The following LHFPL3 variants were observed in gnomAD, a reference collection of about 807,000 sequenced individuals.
LHFPL3 encodes LHFPL tetraspan subfamily member 3.
Under a neutral mutation model 19.3 loss-of-function variants are expected in LHFPL3, and 5 were observed. That is an observed-to-expected ratio of 0.26 (90% CI 0.14 to 0.54). LHFPL3 has a LOEUF of 0.54. Among genes scored for constraint, LHFPL3 ranks in the 20% least tolerant of loss-of-function variants. The pLI, the probability that LHFPL3 is intolerant of heterozygous loss-of-function variation, is 0.94. For missense variants in LHFPL3, 249 were observed against 307.4 expected, an observed-to-expected ratio of 0.81 and a Z score of 1.42; for synonymous variants, 133 against 126.2, an observed-to-expected ratio of 1.05 and a Z score of -0.36.
At chr7:104,498,982 G>A (rs1160866759) in intron 1 of LHFPL3, among the ~76,000 whole-genome samples, 1 of 151,854 alleles carries the variant, frequency 6.6e-6, no homozygotes, top group Admixed American at 6.6e-5. Context: ...TTTTCCATGA[G>A]GACAGTGGGT....
rs71823474 is a variant in LHFPL3 at position 104,429,301 on chromosome 7, CTTTTTTTTTTT to C, written c.445+100090_445+100100del. Among the ~76,000 whole-genome samples, 5 of 84,534 alleles carry C rather than the reference CTTTTTTTTTTT, an allele frequency of 5.9e-5. No homozygotes were observed. The Admixed American group carries it at 6.5e-4, about 11-fold the overall frequency. The allele number at this position is 84,534 out of a possible 152,430, so 55.5% of individuals were successfully genotyped here. A position where few individuals can be genotyped will look rare whatever the true frequency, so the allele number is the denominator to read the frequency against. On this transcript the variant is annotated intron_variant, in intron 1 of 2. Coordinates refer to ENST00000424859, the MANE Select transcript of LHFPL3 (RefSeq NM_199000.3). The stretch of plus-strand genomic sequence containing the variant: ...ATTTCGGAATCTACCTATGTCATTC[CTTTTTTTTTTT>C]TTTTTTTTTTTTGAGACAGAGTTTC...
chr7:104,396,653 A>AAG, intron 1 of LHFPL3, among the ~76,000 whole-genome samples: 1 of 151,630 alleles, frequency 6.6e-6, no homozygotes, highest in African/African-American at 2.4e-5. Flanking sequence ...AAAAAAAAAA[A>AAG]AAAAGATAAA....
At chr7:104,737,609 G>T (rs1479853705) in intron 2 of LHFPL3, among the ~76,000 whole-genome samples, 1 of 152,210 alleles carries the variant, frequency 6.6e-6, no homozygotes, top group African/African-American at 2.4e-5. Flanking sequence ...GTAGCAAGTT[G>T]TTATTGAAGA....
chr7:104,500,477 C>T (rs1036174977), intron 1 of LHFPL3, among the ~76,000 whole-genome samples: 11 of 152,110 alleles, frequency 7.2e-5, no homozygotes, highest in African/African-American at 2.7e-4. Flanking sequence ...GACATATCTA[C>T]GAAACCGCAA....
intron 1 of LHFPL3, among the ~76,000 whole-genome samples, chr7:104,451,458 G>A (rs1792437087): frequency 6.6e-6 from 1 of 152,130 alleles, no homozygotes; most frequent in South Asian, 2.1e-4. Context: ...GAAGAGTTTT[G>A]TTGTTCTCTG....
At chr7:104,339,071 A>G (rs562723142) in intron 1 of LHFPL3, among the ~76,000 whole-genome samples, 1 of 152,260 alleles carries the variant, frequency 6.6e-6, no homozygotes, top group Admixed American at 6.5e-5. Context: ...AACATGGTGA[A>G]ACCCCGTCTC....
At chr7:104,332,395 A>G (rs1363197539) in intron 1 of LHFPL3, among the ~76,000 whole-genome samples, 1 of 151,528 alleles carries the variant, frequency 6.6e-6, no homozygotes, top group Admixed American at 6.6e-5. Flanking sequence ...ACACCAGGCT[A>G]ATTTTTTGTA....
chr7:104,512,317 G>A (rs1040156862), intron 1 of LHFPL3, among the ~76,000 whole-genome samples: 4 of 152,042 alleles, frequency 2.6e-5, no homozygotes, highest in African/African-American at 4.8e-5. Flanking sequence ...TCATGTAATC[G>A]TTTATCAGAT....
chr7:104,896,464 G>A (rs1176960895), intron 2 of LHFPL3, among the ~76,000 whole-genome samples: 2 of 152,148 alleles, frequency 1.3e-5, no homozygotes, highest in Non-Finnish European at 2.9e-5. Flanking sequence ...CTCCATTAAC[G>A]GATGACTGGG....
chr7:104,589,571 C>A (rs1330768967), intron 1 of LHFPL3, among the ~76,000 whole-genome samples: 2 of 152,014 alleles, frequency 1.3e-5, no homozygotes, highest in Non-Finnish European at 2.9e-5. Context: ...GTCTAAAATT[C>A]TCTTTTTTTG....
chr7:104,700,917 G>T (rs1171239426), intron 1 of LHFPL3, among the ~76,000 whole-genome samples: 2 of 152,122 alleles, frequency 1.3e-5, no homozygotes, highest in African/African-American at 4.8e-5. Context: ...CAGGCCTGCT[G>T]CATATTCAGT....
At chr7:104,351,075 G>A (rs1020961451) in intron 1 of LHFPL3, among the ~76,000 whole-genome samples, 2 of 150,860 alleles carry the variant, frequency 1.3e-5, no homozygotes, top group African/African-American at 2.4e-5. Context: ...AGGTCTCTTC[G>A]ACAAGACACC....
rs893319231 is a variant in LHFPL3 at position 104,885,136 on chromosome 7, G to A, written c.683-21051G>A. Among the ~76,000 whole-genome samples, 17 of 152,314 alleles carry A rather than the reference G, an allele frequency of 1.1e-4. 1 individual carries two copies. The highest frequency in any genetic ancestry group is 4.1e-4 in the African/African-American group (17 of 41,574). Reference sequence around the variant, plus strand: ...ACTCTACCCCAGAGATCACAACTGAGACTTCGATTTTATTTGCTATTTAGG... The same window carrying A: ...ACTCTACCCCAGAGATCACAACTGAAACTTCGATTTTATTTGCTATTTAGG... On this transcript the variant is annotated intron_variant, in intron 2 of 2. Coordinates refer to ENST00000424859, the MANE Select transcript of LHFPL3 (RefSeq NM_199000.3).
chr7:104,876,636 G>A (rs1211245131), intron 2 of LHFPL3, among the ~76,000 whole-genome samples: 2 of 151,828 alleles, frequency 1.3e-5, no homozygotes, highest in African/African-American at 4.8e-5. Context: ...ACAGGTGCTG[G>A]AGAGGATGTG....
chr7:104,608,560 T>A (rs1247019569), intron 1 of LHFPL3, among the ~76,000 whole-genome samples: 1 of 151,124 alleles, frequency 6.6e-6, no homozygotes, highest in East Asian at 2.0e-4. Context: ...GACGAGTTAA[T>A]GGGTGCAGTA....
At chr7:104,887,908 T>C (rs1792177329) in intron 2 of LHFPL3, among the ~76,000 whole-genome samples, 1 of 152,144 alleles carries the variant, frequency 6.6e-6, no homozygotes, top group South Asian at 2.1e-4. Context: ...CTTTCAGAGT[T>C]GTTTGGGGGT....
chr7:104,598,449 A>G (rs1334679615), intron 1 of LHFPL3, among the ~76,000 whole-genome samples: 1 of 152,222 alleles, frequency 6.6e-6, no homozygotes, highest in East Asian at 1.9e-4. Flanking sequence ...GATCTTGAAG[A>G]CAAAGCACAG....
At chr7:104,864,706 G>T (rs1791687252) in intron 2 of LHFPL3, among the ~76,000 whole-genome samples, 1 of 152,190 alleles carries the variant, frequency 6.6e-6, no homozygotes, top group Admixed American at 6.5e-5. Context: ...ATCCTCTGCA[G>T]ACTTAAATGT....
chr7:104,905,078 C>G (rs960095634), intron 2 of LHFPL3, among the ~76,000 whole-genome samples: 3 of 152,042 alleles, frequency 2.0e-5, no homozygotes, highest in African/African-American at 7.3e-5. Context: ...ACGTCAGCCC[C>G]TTGAGTAGCT....
Sources: gnomAD v4.1 joint callset for allele counts (sites outside exome capture counted in the v4.1 genomes callset) on GRCh38, gnomAD v4.1.1 for gene constraint, MANE v1.5 for transcripts, NCBI Gene and HGNC (gene_info 2026-07-23, HGNC 2026-07-21) for gene names.